The following PRPF40B variants were observed in gnomAD, a reference collection of about 807,000 sequenced individuals.
The protein encoded by PRPF40B is pre-mRNA-processing factor 40 homolog B.
PRPF40B carries 56 observed loss-of-function variants against 124.5 expected under a neutral mutation model. That is an observed-to-expected ratio of 0.45 (90% CI 0.36 to 0.56). The LOEUF (loss-of-function observed/expected upper bound fraction) is 0.56. PRPF40B is among the 20% of genes least tolerant of loss of function. The pLI is 0.00. For missense variants in PRPF40B, 1,053 were observed against 1,169.5 expected (o/e 0.90, Z 1.45); for synonymous variants, 443 against 426.4 (o/e 1.04, Z -0.48).
Position 49,634,325 on chromosome 12 carries a change from C to A in PRPF40B, c.813-7C>A. Reference sequence around the variant, plus strand: ...GACCCTGTGGCTGAGTCCCCTGTGCCCTCCAGTTCTGGACAGCATCAGCCA... The same window carrying A: ...GACCCTGTGGCTGAGTCCCCTGTGCACTCCAGTTCTGGACAGCATCAGCCA... On this transcript the variant is annotated splice_polypyrimidine_tract_variant and splice_region_variant and intron_variant, in intron 10 of 25. Transcript: ENST00000548825. The A allele has an allele frequency of 6.2e-7, 1 of 1,614,130 alleles. No individual in the cohort carries two copies. The highest frequency in any genetic ancestry group is 1.1e-5 in the South Asian group (1 of 91,050).
In PRPF40B at chr12:49,632,880, G is replaced by A. The variant is rs183616314; in HGVS notation, c.348G>A (p.Pro116=). Residue 116 remains proline, a splice_region_variant and synonymous_variant, in exon 6 of 26, where the codon CCG becomes CCA. Transcript: ENST00000548825. Reference sequence around the variant, plus strand: ...CTGCTGTGGCTGGGACAGGCCCTCCGGTGAGTTCTTCCAGCTCAGGGGTCT... The same window carrying A: ...CTGCTGTGGCTGGGACAGGCCCTCCAGTGAGTTCTTCCAGCTCAGGGGTCT... The part of the protein sequence containing the change: ...ASSAVAGTGP[P]RALWSEHVAP... 29 of 1,613,684 alleles carry A rather than the reference G, an allele frequency of 1.8e-5. No homozygotes were observed. Among genetic ancestry groups the A allele is most frequent in the African/African-American group, 5.3e-5 (4 of 74,978 alleles).
At chr12:49,630,914 AC>A (rs1184617575) in intron 2 of PRPF40B, among the ~76,000 whole-genome samples, 2 of 152,130 alleles carry the variant, frequency 1.3e-5, no homozygotes, top group Non-Finnish European at 2.9e-5. Context: ...GCAGGGTGGG[AC>A]TATCTATCTC....
chr12:49,642,506 C>T lies in PRPF40B; in HGVS notation c.2023-74C>T. The T allele has an allele frequency of 1.9e-6, 3 of 1,583,318 alleles. No individual in the cohort carries two copies. Among genetic ancestry groups the T allele is most frequent in the Non-Finnish European group, 2.6e-6 (3 of 1,153,450 alleles). ...CCTTCCTTTCTCTGCCCCAGCCCTG[C>T]CCTGTGCTCATGGCGGTGTCCAGGC... On this transcript the variant is annotated intron_variant, in intron 20 of 25. Coordinates refer to ENST00000548825, the MANE Select transcript of PRPF40B (RefSeq NM_001031698.3). This position sits in a 1 kb window ranked among gnomAD's most constrained non-coding sequence, Gnocchi z 5.8.
intron 18 of PRPF40B, chr12:49,641,680 C>A (rs1167695449): frequency 1.9e-6 from 1 of 538,048 alleles, no homozygotes; most frequent in Admixed American, 3.3e-5. Context: ...TGGGAGACAT[C>A]TCCCAACCCC....
chr12:49,637,795 G>T lies in PRPF40B; in HGVS notation c.1738G>T (p.Glu580Ter). Residue 580 changes from glutamate to a stop codon, truncating the protein, a stop_gained, in exon 18 of 26, where the codon GAA becomes TAA. Coordinates refer to ENST00000548825, the MANE Select transcript of PRPF40B (RefSeq NM_001031698.3). LOFTEE classifies it high-confidence loss of function. ...GGAGTTGAAGGCACGATTCCATGAT[G>T]AAAAGAAGATCATTAAGGACATCCT... ...VEELKARFHD[E>*]KKIIKDILKD... 6.2e-7 allele frequency: 1 copy of T among 1,610,190 alleles called. No individual in the cohort carries two copies. Among genetic ancestry groups the T allele is most frequent in the Non-Finnish European group, 8.5e-7 (1 of 1,177,204 alleles).
At chr12:49,623,939 C>G in intron 1 of PRPF40B, 1 of 1,125,208 alleles carries the variant, frequency 8.9e-7, no homozygotes, top group Non-Finnish European at 1.1e-6. Flanking sequence ...GACCAGGGGA[C>G]AGGTGGGGAC....
chr12:49,623,309 G>C (rs549657609), upstream of PRPF40B: 46 of 173,346 alleles, frequency 2.7e-4, no homozygotes, highest in Non-Finnish European at 3.3e-4. Flanking sequence ...GCCCCCGACC[G>C]TCAGTCAGAG....
At chr12:49,627,431 A>G (rs184975178) in intron 1 of PRPF40B, among the ~76,000 whole-genome samples, 104 of 152,296 alleles carry the variant, frequency 6.8e-4, no homozygotes, top group African/African-American at 2.3e-3. Context: ...GAGTTGGGAA[A>G]AGCTTTCGTG....
intron 4 of PRPF40B, 32 bp from the exon 5 acceptor site, chr12:49,632,564 C>G: frequency 6.2e-7 from 1 of 1,611,608 alleles, no homozygotes; most frequent in Non-Finnish European, 8.5e-7. Flanking sequence ...TGGGCTTGGC[C>G]CCAACCCTTC....
At chr12:49,623,359 G>C (rs138529836), upstream of PRPF40B, 4 of 210,812 alleles carry the variant, frequency 1.9e-5, no homozygotes, top group East Asian at 1.2e-4. Flanking sequence ...GGGCGGACCC[G>C]GGACGCGGCG....
chr12:49,630,549 T>C lies in PRPF40B; in HGVS notation c.8T>C (p.Val3Ala). Residue 3 changes from valine to alanine, a missense_variant, in exon 2 of 26, where the codon GTT (valine) becomes GCT (alanine). This residue lies in a region of PRPF40B where 158 missense variants were observed against 117.3 expected (regional missense o/e 1.35). Transcript: ENST00000548825. MS[V>A]PDSGPRPPAA... ...GACTTTTCTCTCCCTCAACAGTCGGTTCCCGATTCTGGTCCCCGGCCCCCA... is the reference window on the plus strand; with the variant it reads ...GACTTTTCTCTCCCTCAACAGTCGGCTCCCGATTCTGGTCCCCGGCCCCCA... 7.3e-7 allele frequency: 1 copy of C among 1,377,084 alleles called. No individual in the cohort carries two copies. 85.3% of individuals were successfully genotyped at this position (1,377,084 alleles called of 1,614,324 possible). A position where few individuals can be genotyped will look rare whatever the true frequency, so the allele number is the denominator to read the frequency against.
chr12:49,641,400 T>TG (rs1254508074), intron 18 of PRPF40B: 2 of 153,208 alleles, frequency 1.3e-5, no homozygotes, highest in African/African-American at 4.8e-5. Flanking sequence ...CTCTGAACCT[T>TG]GGTTTCTCCT....
chr12:49,629,428 C>T (rs917298459), intron 1 of PRPF40B, among the ~76,000 whole-genome samples: 3 of 152,126 alleles, frequency 2.0e-5, no homozygotes, highest in African/African-American at 7.2e-5. Context: ...GAAATGAAAA[C>T]CTTAAACATA....
In PRPF40B at chr12:49,642,725, G is replaced by C; in HGVS notation, c.2118+50G>C. On this transcript the variant is annotated intron_variant, in intron 21 of 25. Transcript: ENST00000548825. The surrounding 1 kb of genome is among the most constrained non-coding windows in gnomAD (Gnocchi z 5.8). ...CTGCCTCAGGCCCTTGAACTCATTA[G>C]ACCAGTTCAACAGAGACCTCAGTGG... 6.4e-7 allele frequency: 1 copy of C among 1,572,422 alleles called. No individual in the cohort carries two copies. The highest frequency in any genetic ancestry group is 8.7e-7 in the Non-Finnish European group (1 of 1,153,232).
chr12:49,632,455 G>A (rs920412515), intron 4 of PRPF40B, 141 bp from the exon 5 acceptor site: 2 of 873,886 alleles, frequency 2.3e-6, no homozygotes, highest in South Asian at 1.7e-5. Context: ...TGAAGGGTGG[G>A]GGAAGCCTGT....
chr12:49,623,510 C>G (rs1329866978), upstream of PRPF40B: 1 of 1,236,378 alleles, frequency 8.1e-7, no homozygotes, highest in Non-Finnish European at 1.0e-6. Context: ...CGGCCCCGCC[C>G]TCCCGGCTGC....
chr12:49,635,131 C>T lies in PRPF40B; in HGVS notation c.1034C>T (p.Ala345Val), dbSNP rs1941635966. 2 of 1,613,684 alleles carry T rather than the reference C, an allele frequency of 1.2e-6. No homozygotes were observed. The highest frequency in any genetic ancestry group is 1.7e-6 in the Non-Finnish European group (2 of 1,179,936). The stretch of plus-strand genomic sequence containing the variant: ...CCTAAACTGAGTGAGAAAAAGCAGG[C>T]ATTCAATGCCTACAAGGCGCAGCGG... ...ALPKLSEKKQ[A>V]FNAYKAQREK... is the part of the protein sequence containing the mutation. Residue 345 changes from alanine (A) to valine (V), a missense_variant, in exon 13 of 26, where the codon GCA (alanine) becomes GTA (valine). Ala to Val is a moderately conservative substitution (Grantham distance 64). This residue lies in a region of PRPF40B where 895 missense variants were observed against 1,052.2 expected (regional missense o/e 0.85). Transcript: ENST00000548825. The surrounding 1 kb of genome is among the most constrained non-coding windows in gnomAD (Gnocchi z 4.1).
At position 49,637,834 on chromosome 12, in the gene PRPF40B, G is replaced by C. The variant is rs1592603135; in HGVS notation, c.1767+10G>C. ...TAAGGACATCCTTAAGGTGAGGGAG[G>C]CTGGGGTTATGGATGGATACAGGAT... On this transcript the variant is annotated intron_variant, in intron 18 of 25. Coordinates refer to ENST00000548825, the MANE Select transcript of PRPF40B (RefSeq NM_001031698.3). 6.3e-7 allele frequency: 1 copy of C among 1,593,870 alleles called. No homozygotes were observed. Among genetic ancestry groups the C allele is most frequent in the East Asian group, 2.2e-5 (1 of 44,776 alleles).
At chr12:49,623,992 C>G in intron 1 of PRPF40B, 1 of 1,020,214 alleles carries the variant, frequency 9.8e-7, no homozygotes, top group Non-Finnish European at 1.2e-6. Flanking sequence ...CATGCCCTTC[C>G]CCCAGCCCCA....
Sources: gnomAD v4.1 joint callset for allele counts (sites outside exome capture counted in the v4.1 genomes callset) on GRCh38, gnomAD v4.1.1 for gene constraint, gnomAD v4.1.1 regional missense constraint, Gnocchi (gnomAD v3.1) non-coding constraint, MANE v1.5 for transcripts, NCBI Gene and HGNC (gene_info 2026-07-23, HGNC 2026-07-21) for gene names.